The following POLA1 variants were observed in gnomAD, a reference collection of about 807,000 sequenced individuals.
The protein encoded by POLA1 is DNA polymerase alpha catalytic subunit.
In POLA1, 15 loss-of-function variants were observed where a neutral mutation model predicts 124.0. The ratio of observed to expected loss-of-function variants is 0.12; its 90% CI spans 0.08 to 0.19. The LOEUF (loss-of-function observed/expected upper bound fraction) is 0.19. POLA1 is among the 10% of genes least tolerant of loss of function. The pLI, the probability that POLA1 is intolerant of heterozygous loss-of-function variation, is 1.00. For synonymous variants in POLA1, 408 were observed against 389.4 expected, an observed-to-expected ratio of 1.05 and a Z score of -0.56; for missense variants, 886 against 1,103.4, an observed-to-expected ratio of 0.80 and a Z score of 2.79.
intron 35 of POLA1, among the ~76,000 whole-genome samples, chrX:24,915,120 C>G (rs1169327756): frequency 3.6e-5 from 4 of 111,633 alleles, no homozygotes; most frequent in Admixed American, 1.9e-4. Context: ...TCCTTACAGG[C>G]CTGCAGATGA....
At chrX:24,871,650 AG>A (rs2046866388) in intron 34 of POLA1, among the ~76,000 whole-genome samples, 1 of 110,412 alleles carries the variant, frequency 9.1e-6, no homozygotes, top group Non-Finnish European at 1.9e-5. Context: ...CAGACCTTAC[AG>A]TCATCTATCC....
At chrX:24,731,768 T>C (rs1410576528) in intron 15 of POLA1, among the ~76,000 whole-genome samples, 1 of 111,014 alleles carries the variant, frequency 9.0e-6, no homozygotes, top group Non-Finnish European at 1.9e-5. Context: ...GTTTTAGAGA[T>C]TGATGCTGAA....
chrX:24,815,403 ATATCACTG>A (rs1458438977), intron 30 of POLA1, among the ~76,000 whole-genome samples: 1 of 110,013 alleles, frequency 9.1e-6, no homozygotes, highest in African/African-American at 3.3e-5. Context: ...CTATGGAGTG[ATATCACTG>A]TATCACTCCA....
intron 36 of POLA1, among the ~76,000 whole-genome samples, chrX:24,984,795 G>T (rs1808835617): frequency 2.8e-5 from 3 of 108,396 alleles, no homozygotes; most frequent in South Asian, 8.3e-4. Flanking sequence ...GAGGAGCTGG[G>T]ACTACAGGCG....
At position 24,735,369 on chromosome X, in the gene POLA1, G is replaced by A. The variant is rs759055059; in HGVS notation, c.1834-30G>A. 16 of 944,324 alleles carry A rather than the reference G, an allele frequency of 1.7e-5. No individual in the cohort carries two copies. The East Asian group carries it at 4.0e-4, about 24-fold the overall frequency. 77.8% of individuals were successfully genotyped at this position (944,324 alleles called of 1,213,427 possible). A position where few individuals can be genotyped will look rare whatever the true frequency, so the allele number is the denominator to read the frequency against. ...CAGTACTTGCGGACAGTAAAGAGTC[G>A]TCAGTGACTGGTGTGTTTTTATCTA... On this transcript the variant is annotated intron_variant, in intron 17 of 36. Coordinates refer to ENST00000379068, the MANE Select transcript of POLA1 (RefSeq NM_001330360.2).
chrX:24,918,375 T>C (rs2047565512), intron 35 of POLA1, among the ~76,000 whole-genome samples: 1 of 111,808 alleles, frequency 8.9e-6, no homozygotes, highest in Non-Finnish European at 1.9e-5. Context: ...TATAACCTCA[T>C]TATAGACTGA....
intron 35 of POLA1, among the ~76,000 whole-genome samples, chrX:24,896,206 G>A (rs927795793): frequency 1.2e-4 from 13 of 111,241 alleles, no homozygotes; most frequent in Non-Finnish European, 2.1e-4. Context: ...GGGAGGTGCC[G>A]CTGGCATCTC....
At chrX:24,748,769 T>C (rs963974136) in intron 25 of POLA1, 101 bp from the exon 26 acceptor site, 6 of 865,821 alleles carry the variant, frequency 6.9e-6, no homozygotes, top group Non-Finnish European at 1.0e-5. Context: ...TCAGGGATAT[T>C]GAGGGTTTCC....
At chrX:24,831,408 T>C (rs1469434695) in intron 32 of POLA1, among the ~76,000 whole-genome samples, 1 of 111,824 alleles carries the variant, frequency 8.9e-6, no homozygotes, top group Admixed American at 9.5e-5. Context: ...AATATTTTCT[T>C]TTTCTGTCTT....
At chrX:24,859,127 C>G (rs758310964) in intron 34 of POLA1, among the ~76,000 whole-genome samples, 1 of 111,759 alleles carries the variant, frequency 8.9e-6, no homozygotes, top group East Asian at 2.8e-4. Context: ...TCCTGGTCAT[C>G]TCGTTCTTAG....
intron 26 of POLA1, among the ~76,000 whole-genome samples, chrX:24,759,602 G>T (rs1008752802): frequency 8.9e-6 from 1 of 112,288 alleles, no homozygotes; most frequent in East Asian, 2.8e-4. Context: ...AGGATAATTC[G>T]TACATTTGTA....
At chrX:24,709,983 G>A (rs1929270612) in intron 4 of POLA1, among the ~76,000 whole-genome samples, 1 of 93,277 alleles carries the variant, frequency 1.1e-5, no homozygotes, top group South Asian at 5.6e-4. Context: ...CTTCCCAGAC[G>A]GGGTGGCGGC....
intron 36 of POLA1, among the ~76,000 whole-genome samples, chrX:24,948,865 C>T (rs930877160): frequency 2.7e-5 from 3 of 111,623 alleles, no homozygotes; most frequent in Non-Finnish European, 5.6e-5. Context: ...TAGTTCTCCC[C>T]CATATTTTCA....
At chrX:24,707,850 C>T (rs1311659746) in intron 4 of POLA1, among the ~76,000 whole-genome samples, 3 of 111,227 alleles carry the variant, frequency 2.7e-5, no homozygotes, top group African/African-American at 9.8e-5. Context: ...AAAAATTAGT[C>T]GGGCGTGGTG....
intron 4 of POLA1, among the ~76,000 whole-genome samples, chrX:24,706,565 GTTCT>G (rs1313421886): frequency 8.9e-6 from 1 of 112,074 alleles, no homozygotes; most frequent in Non-Finnish European, 1.9e-5. Flanking sequence ...ACATCACTGG[GTTCT>G]TTATCTTCCC....
At chrX:24,915,328 C>G (rs1259859156) in intron 35 of POLA1, among the ~76,000 whole-genome samples, 1 of 112,025 alleles carries the variant, frequency 8.9e-6, no homozygotes, top group Non-Finnish European at 1.9e-5. Flanking sequence ...CCAATTTGCT[C>G]TTTTCATTTC....
chrX:24,792,638 G>C (rs1456467802), intron 26 of POLA1, among the ~76,000 whole-genome samples: 1 of 111,860 alleles, frequency 8.9e-6, no homozygotes, highest in Non-Finnish European at 1.9e-5. Flanking sequence ...TTTTACTGTT[G>C]ATACTATTTC....
intron 32 of POLA1, among the ~76,000 whole-genome samples, chrX:24,828,043 A>G (rs1244866298): frequency 8.9e-6 from 1 of 112,331 alleles, no homozygotes; most frequent in African/African-American, 3.2e-5. Flanking sequence ...GTGGAAGCTC[A>G]TTTTTAACAT....
intron 15 of POLA1, among the ~76,000 whole-genome samples, chrX:24,728,789 G>T (rs1340829732): frequency 1.8e-5 from 2 of 111,944 alleles, no homozygotes; most frequent in African/African-American, 6.5e-5. Context: ...GTTTACAGCT[G>T]CTTTTGCACT....
Sources: allele counts gnomAD v4.1 joint callset (sites outside exome capture counted in the v4.1 genomes callset), GRCh38; gene constraint gnomAD v4.1.1; transcripts MANE v1.5; gene names NCBI Gene and HGNC (gene_info 2026-07-23, HGNC 2026-07-21).